Variants in STAG1 observed in about 807,000 individuals in gnomAD.
STAG1 encodes STAG1 cohesin complex component.
A neutral mutation model predicts 170.9 loss-of-function variants in STAG1; 26 were observed. The observed-to-expected ratio is 0.15, with a 90% confidence interval of 0.11 to 0.21. The LOEUF is 0.21. STAG1 is among the 10% of genes least tolerant of loss of function. STAG1 has a pLI of 1.00. For missense variants in STAG1, 964 were observed against 1,509.5 expected, an observed-to-expected ratio of 0.64 and a Z score of 5.99; for synonymous variants, 514 against 497.7, an observed-to-expected ratio of 1.03 and a Z score of -0.44.
intron 26 of STAG1, among the ~76,000 whole-genome samples, chr3:136,359,924 T>C (rs985977201): frequency 1.3e-5 from 2 of 152,254 alleles, no homozygotes; most frequent in African/African-American, 4.8e-5. Context: ...ATATGAAATA[T>C]AGGGTTAAGA....
chr3:136,445,042 T>C (rs1428091630), intron 14 of STAG1, among the ~76,000 whole-genome samples: 1 of 147,210 alleles, frequency 6.8e-6, no homozygotes, highest in Non-Finnish European at 1.5e-5. Context: ...TTTTTTTTTG[T>C]AGAGACGGGG....
chr3:136,341,381 C>T (rs1935963120), intron 31 of STAG1, 60 bp downstream of exon 31: 10 of 1,129,364 alleles, frequency 8.9e-6, no homozygotes, highest in Non-Finnish European at 2.6e-6. Context: ...CAAGTCATTT[C>T]ACAAAATGAT....
At chr3:136,468,256 C>T (rs1044303252) in intron 12 of STAG1, among the ~76,000 whole-genome samples, 10 of 151,926 alleles carry the variant, frequency 6.6e-5, no homozygotes, top group Non-Finnish European at 1.3e-4. Flanking sequence ...TGATAGACCA[C>T]TAGCAAGACT....
At chr3:136,445,309 A>C (rs1436733433) in intron 14 of STAG1, among the ~76,000 whole-genome samples, 1 of 152,142 alleles carries the variant, frequency 6.6e-6, no homozygotes, top group Admixed American at 6.5e-5. Flanking sequence ...TAGACCATCC[A>C]TAACATTACT....
At chr3:136,571,080 T>A (rs1258001089) in intron 4 of STAG1, among the ~76,000 whole-genome samples, 1 of 152,210 alleles carries the variant, frequency 6.6e-6, no homozygotes, top group Non-Finnish European at 1.5e-5. Flanking sequence ...AGAAATGCTT[T>A]GCAACCTAGG....
At chr3:136,501,926 A>G (rs533218542) in intron 8 of STAG1, among the ~76,000 whole-genome samples, 2 of 152,302 alleles carry the variant, frequency 1.3e-5, no homozygotes, top group Admixed American at 1.3e-4. Flanking sequence ...TCATGCCTGT[A>G]ATCTCAGCAC....
chr3:136,601,940 T>A (rs1021156740), intron 4 of STAG1, among the ~76,000 whole-genome samples: 1 of 152,128 alleles, frequency 6.6e-6, no homozygotes, highest in Admixed American at 6.6e-5. Flanking sequence ...TGAAAACACT[T>A]CTATTGGTCA....
chr3:136,444,078 C>CTTTTTT (rs1260005952), intron 14 of STAG1, among the ~76,000 whole-genome samples: 1 of 145,784 alleles, frequency 6.9e-6, no homozygotes, highest in African/African-American at 2.5e-5. Context: ...GAATATTATC[C>CTTTTTT]TTTTTTTTTT....
At chr3:136,725,772 T>C (rs941420506) in intron 1 of STAG1, among the ~76,000 whole-genome samples, 3 of 152,218 alleles carry the variant, frequency 2.0e-5, no homozygotes, top group Non-Finnish European at 2.9e-5. Context: ...TACTGCTTCC[T>C]TCCTATTGTA....
intron 3 of STAG1, among the ~76,000 whole-genome samples, chr3:136,612,833 A>G (rs1483247421): frequency 6.6e-6 from 1 of 152,226 alleles, no homozygotes; most frequent in Admixed American, 6.5e-5. Flanking sequence ...GGCAATTACA[A>G]ATAAAAAACA....
chr3:136,514,659 A>T (rs1264933068), intron 7 of STAG1, among the ~76,000 whole-genome samples: 1 of 152,248 alleles, frequency 6.6e-6, no homozygotes, highest in African/African-American at 2.4e-5. Context: ...CTTGGAACCA[A>T]CCCAAATGTC....
At chr3:136,673,536 G>T (rs1241918841) in intron 1 of STAG1, among the ~76,000 whole-genome samples, 3 of 152,134 alleles carry the variant, frequency 2.0e-5, no homozygotes, top group African/African-American at 7.2e-5. Flanking sequence ...TGTGTGGTTT[G>T]AAAAACTGTA....
At chr3:136,463,125 T>C (rs1012625705) in intron 13 of STAG1, among the ~76,000 whole-genome samples, 1 of 152,220 alleles carries the variant, frequency 6.6e-6, no homozygotes, top group Middle Eastern at 3.2e-3. Flanking sequence ...AGCATTATTC[T>C]ACTAGCCAGA....
intron 23 of STAG1, among the ~76,000 whole-genome samples, chr3:136,369,878 T>C (rs922177068): frequency 1.3e-5 from 2 of 152,158 alleles, no homozygotes; most frequent in Non-Finnish European, 2.9e-5. Context: ...CCTAGTGATG[T>C]AGTAACATAA....
rs765539571 is a variant in STAG1, at chr3:136,521,175, A to G, written c.676+38T>C. The G allele has an allele frequency of 5.8e-6, 9 of 1,542,378 alleles. No individual in the cohort carries two copies. The African/African-American group carries it at 9.6e-5, about 16-fold the overall frequency. ...TAATCAGAATAAAACATAGTCAACA[A>G]AACTAAATGAAAAGGAAATAAAATG... On this transcript the variant is annotated intron_variant, in intron 7 of 33. Transcript: ENST00000383202.
intron 1 of STAG1, among the ~76,000 whole-genome samples, chr3:136,692,912 A>C (rs1942773650): frequency 2.0e-5 from 3 of 152,206 alleles, no homozygotes; most frequent in Admixed American, 2.0e-4. Flanking sequence ...CAAGCATCTG[A>C]TGATGATGTG....
intron 9 of STAG1, among the ~76,000 whole-genome samples, chr3:136,495,438 G>C (rs1265508579): frequency 5.3e-5 from 8 of 152,012 alleles, no homozygotes; most frequent in Non-Finnish European, 1.2e-4. Context: ...TCATAAACTG[G>C]GCCATACAAA....
At chr3:136,414,670 A>G (rs2087722444) in intron 21 of STAG1, among the ~76,000 whole-genome samples, 1 of 152,184 alleles carries the variant, frequency 6.6e-6, no homozygotes, top group African/African-American at 2.4e-5. Flanking sequence ...AATCCTTCCC[A>G]GAAGTTTCTC....
intron 1 of STAG1, among the ~76,000 whole-genome samples, chr3:136,655,080 G>A (rs949652427): frequency 1.3e-5 from 2 of 152,116 alleles, no homozygotes; most frequent in East Asian, 1.9e-4. Context: ...ATTAGGTTTG[G>A]CAATGATTTC....
Sources: gnomAD v4.1 joint callset for allele counts (sites outside exome capture counted in the v4.1 genomes callset) on GRCh38, gnomAD v4.1.1 for gene constraint, MANE v1.5 for transcripts, NCBI Gene and HGNC (gene_info 2026-07-23, HGNC 2026-07-21) for gene names.